GPC6: variants seen among roughly 807,000 people sequenced by gnomAD.
GPC6 encodes the protein glypican-6.
A neutral mutation model predicts 55.2 loss-of-function variants in GPC6; 14 were observed. The observed-to-expected ratio is 0.25, with a 90% CI of 0.17 to 0.40. The LOEUF (loss-of-function observed/expected upper bound fraction) is 0.40, where lower values mean the gene tolerates loss of function less well. GPC6 is among the 10% of genes least tolerant of loss of function. GPC6 has a pLI of 1.00. For synonymous variants in GPC6, 278 were observed against 259.6 expected (o/e 1.07, Z -0.68); for missense variants, 641 against 708.5 (o/e 0.90, Z 1.08).
intron 4 of GPC6, among the ~76,000 whole-genome samples, chr13:94,130,990 A>G (rs1178408773): frequency 3.3e-5 from 5 of 152,116 alleles, no homozygotes; most frequent in Non-Finnish European, 7.4e-5. Flanking sequence ...AGTTATGGGG[A>G]ATTATATTCT....
At chr13:93,852,061 A>T (rs1594523715) in intron 3 of GPC6, among the ~76,000 whole-genome samples, 1 of 151,816 alleles carries the variant, frequency 6.6e-6, no homozygotes, top group Non-Finnish European at 1.5e-5. Flanking sequence ...AGTTGACAAC[A>T]AAAACCTATG....
intron 4 of GPC6, among the ~76,000 whole-genome samples, chr13:94,184,489 G>T (rs1412469893): frequency 6.6e-6 from 1 of 151,986 alleles, no homozygotes; most frequent in East Asian, 1.9e-4. Context: ...GGACATAACA[G>T]ATACTTCTCA....
At chr13:93,930,792 T>G (rs1324846065) in intron 3 of GPC6, among the ~76,000 whole-genome samples, 1 of 152,038 alleles carries the variant, frequency 6.6e-6, no homozygotes, top group Non-Finnish European at 1.5e-5. Flanking sequence ...TGGACTAGTA[T>G]AAAGAAATTC....
chr13:94,224,148 CAT>C (rs781368441), intron 4 of GPC6, among the ~76,000 whole-genome samples: 23 of 151,686 alleles, frequency 1.5e-4, no homozygotes, highest in Non-Finnish European at 2.9e-4. Flanking sequence ...GTGCAGAAAA[CAT>C]GTGTGTTAGA....
At chr13:93,873,192 A>G (rs756213030) in intron 3 of GPC6, among the ~76,000 whole-genome samples, 14 of 151,830 alleles carry the variant, frequency 9.2e-5, no homozygotes, top group Non-Finnish European at 1.6e-4. Context: ...TACTGTTCAC[A>G]TTGCTATTTG....
At chr13:94,261,207 G>A (rs1023604324) in intron 4 of GPC6, among the ~76,000 whole-genome samples, 1 of 152,112 alleles carries the variant, frequency 6.6e-6, no homozygotes. Flanking sequence ...CCCAGGGGGC[G>A]GAGGTTGCAG....
chr13:93,583,669 G>A (rs112546143), intron 2 of GPC6, among the ~76,000 whole-genome samples: 1 of 152,202 alleles, frequency 6.6e-6, no homozygotes, highest in South Asian at 2.1e-4. Flanking sequence ...CACCGCCTCT[G>A]TCTCCCAAAG....
intron 1 of GPC6, among the ~76,000 whole-genome samples, chr13:93,502,959 A>C (rs574478800): frequency 4.6e-5 from 7 of 152,314 alleles, no homozygotes; most frequent in Admixed American, 3.3e-4. Flanking sequence ...TTATGAAAAA[A>C]GTTTAAAATT....
intron 1 of GPC6, among the ~76,000 whole-genome samples, chr13:93,243,472 G>A (rs1340642337): frequency 6.6e-6 from 1 of 152,172 alleles, no homozygotes; most frequent in Non-Finnish European, 1.5e-5. Flanking sequence ...ACTTGCAGTA[G>A]CTTGGGCTTT....
intron 4 of GPC6, among the ~76,000 whole-genome samples, chr13:94,259,921 C>T (rs1031098447): frequency 2.0e-5 from 3 of 152,058 alleles, no homozygotes; most frequent in South Asian, 2.1e-4. Context: ...CACACGCACA[C>T]GATATTTTGT....
intron 3 of GPC6, among the ~76,000 whole-genome samples, chr13:93,911,606 A>G (rs1876987086): frequency 6.6e-6 from 1 of 152,196 alleles, no homozygotes. Flanking sequence ...TTGCAGCTCA[A>G]CCAAAAAAGG....
intron 2 of GPC6, among the ~76,000 whole-genome samples, chr13:93,572,037 C>T (rs1594277603): frequency 6.6e-6 from 1 of 152,228 alleles, no homozygotes; most frequent in Non-Finnish European, 1.5e-5. Context: ...CAAACTATAG[C>T]TGGGCCAAGA....
intron 1 of GPC6, among the ~76,000 whole-genome samples, chr13:93,375,895 C>G (rs1266346085): frequency 2.6e-5 from 4 of 152,054 alleles, no homozygotes; most frequent in Non-Finnish European, 5.9e-5. Context: ...ACGGAGGAAC[C>G]TCAGGATCTT....
At chr13:94,146,618 GAC>G (rs1007321665) in intron 4 of GPC6, among the ~76,000 whole-genome samples, 2 of 152,096 alleles carry the variant, frequency 1.3e-5, no homozygotes, top group Non-Finnish European at 2.9e-5. Flanking sequence ...GCAAGATAGA[GAC>G]ATGTCCAAGG....
chr13:93,261,327 G>A (rs920392123), intron 1 of GPC6, among the ~76,000 whole-genome samples: 2 of 152,060 alleles, frequency 1.3e-5, no homozygotes, highest in Non-Finnish European at 2.9e-5. Flanking sequence ...CCTGTTTTTA[G>A]GGTTTTCTAA....
At chr13:93,811,626 G>C (rs1381859707) in intron 2 of GPC6, among the ~76,000 whole-genome samples, 6 of 151,714 alleles carry the variant, frequency 4.0e-5, no homozygotes, top group Non-Finnish European at 8.8e-5. Flanking sequence ...TTTCATGAGA[G>C]AATGCAAAGC....
At chr13:93,524,964 G>A (rs1272353683) in intron 1 of GPC6, among the ~76,000 whole-genome samples, 2 of 152,068 alleles carry the variant, frequency 1.3e-5, no homozygotes, top group African/African-American at 4.8e-5. Context: ...GCAATTAAAA[G>A]TCACTATTTT....
chr13:93,308,156 G>C (rs1369528605), intron 1 of GPC6, among the ~76,000 whole-genome samples: 1 of 152,062 alleles, frequency 6.6e-6, no homozygotes, highest in Admixed American at 6.5e-5. Context: ...CTGGTGGCGG[G>C]CGCCTGCAGT....
At position 94,008,972 on chromosome 13, in the gene GPC6, A is replaced by G. The variant is rs182480902; in HGVS notation, c.712-18757A>G. On this transcript the variant is annotated intron_variant, in intron 3 of 8. Coordinates refer to ENST00000377047, the MANE Select transcript of GPC6 (RefSeq NM_005708.5). ...TTCTGCAAACAAACACATGTATATA[A>G]AGTAAAATTAATTTTCTGTTTAATT... Among the ~76,000 whole-genome samples the G allele has an allele frequency of 5.9e-5, 9 of 152,306 alleles. No individual in the cohort carries two copies. The East Asian group carries it at 1.2e-3, about 20-fold the overall frequency.
Sources: allele counts gnomAD v4.1 joint callset (sites outside exome capture counted in the v4.1 genomes callset), GRCh38; gene constraint gnomAD v4.1.1; transcripts MANE v1.5; gene names NCBI Gene and HGNC (gene_info 2026-07-23, HGNC 2026-07-21).